The following ATP8A2 variants were observed in gnomAD, a reference collection of about 807,000 sequenced individuals.
ATP8A2 encodes phospholipid-transporting ATPase IB.
Under a neutral mutation model 165.6 loss-of-function variants are expected in ATP8A2, and 100 were observed. The ratio of observed to expected loss-of-function variants is 0.60; its 90% confidence interval spans 0.51 to 0.71. The LOEUF (loss-of-function observed/expected upper bound fraction) is 0.71. Ranked by LOEUF, ATP8A2 falls within the 30% of genes least tolerant of loss-of-function variation. The pLI, the probability that ATP8A2 is intolerant of heterozygous loss-of-function variation, is 0.00. For synonymous variants in ATP8A2, 543 were observed against 548.8 expected (o/e 0.99, Z 0.15); for missense variants, 1,227 against 1,479.5 (o/e 0.83, Z 2.80).
chr13:25,479,558 T>C (rs1432432192), intron 2 of ATP8A2, among the ~76,000 whole-genome samples: 1 of 152,042 alleles, frequency 6.6e-6, no homozygotes, highest in Non-Finnish European at 1.5e-5. Context: ...GGCAGGGTCA[T>C]AGGACAATAG....
Position 25,944,282 on chromosome 13 carries a change from G to A in ATP8A2, c.3184-17293G>A, listed in dbSNP as rs542112721. 3.3e-5 allele frequency among the ~76,000 whole-genome samples: 5 copies of A among 152,328 alleles called. No individual in the cohort carries two copies. The South Asian group carries it at 6.2e-4, about 19-fold the overall frequency. On this transcript the variant is annotated intron_variant, in intron 33 of 36. Transcript: ENST00000381655. Reference sequence around the variant, plus strand: ...AGCACTTTGGGAGGCTGAGGTGGGCGGATCACCTGAGGTCAGGAGTTTGAG... The same window carrying A: ...AGCACTTTGGGAGGCTGAGGTGGGCAGATCACCTGAGGTCAGGAGTTTGAG...
At chr13:25,450,985 T>C (rs1298940556) in intron 1 of ATP8A2, among the ~76,000 whole-genome samples, 1 of 152,268 alleles carries the variant, frequency 6.6e-6, no homozygotes, top group African/African-American at 2.4e-5. Flanking sequence ...TTTGGGTTTA[T>C]GGTTTTCAGC....
intron 1 of ATP8A2, among the ~76,000 whole-genome samples, chr13:25,443,505 T>C (rs931723818): frequency 6.6e-6 from 1 of 152,224 alleles, no homozygotes; most frequent in African/African-American, 2.4e-5. Context: ...AAGTATGTAA[T>C]GTGAGTGGAT....
At chr13:25,903,258 GCCC>G (rs1261276474) in intron 33 of ATP8A2, among the ~76,000 whole-genome samples, 73 of 152,176 alleles carry the variant, frequency 4.8e-4, no homozygotes, top group Non-Finnish European at 7.9e-4. Flanking sequence ...TACGCAAACA[GCCC>G]CCAGATATGG....
At position 26,025,258 on chromosome 13, in the gene ATP8A2, C is replaced by G. The variant is rs1453351447; in HGVS notation, c.*5273C>G. 6.6e-6 allele frequency: 1 copy of G among 152,222 alleles called. No individual in the cohort carries two copies. The highest frequency in any genetic ancestry group is 1.5e-5 in the Non-Finnish European group (1 of 68,080). The allele number at this position is 152,222 out of a possible 1,614,324, so 9.4% of individuals were successfully genotyped here. On this transcript the variant is annotated 3_prime_UTR_variant, in exon 37 of 37. Transcript: ENST00000381655. ...TCAGTACTGAAACTCCTACTCTCCC[C>G]TCCCGCCCCACTCTCCCCCGTTGCC...
intron 27 of ATP8A2, among the ~76,000 whole-genome samples, chr13:25,790,583 C>T (rs2045142985): frequency 6.6e-6 from 1 of 151,026 alleles, no homozygotes; most frequent in South Asian, 2.1e-4. Flanking sequence ...TAGTCCCAGC[C>T]ACTTGGGAGG....
At chr13:25,827,156 C>T (rs9511931) in intron 27 of ATP8A2, among the ~76,000 whole-genome samples, 76,399 of 151,942 alleles carry the variant, frequency 0.5, 20,213 homozygotes, top group South Asian at 0.61. Context: ...GTCGCCCAGG[C>T]TGGAGTGCAG....
intron 25 of ATP8A2, among the ~76,000 whole-genome samples, chr13:25,742,160 G>A (rs376807849): frequency 2.0e-5 from 3 of 152,070 alleles, no homozygotes; most frequent in East Asian, 3.8e-4. Flanking sequence ...CCTATACGAC[G>A]TTACTGTTCT....
At chr13:25,923,330 C>T (rs1954513683) in intron 33 of ATP8A2, among the ~76,000 whole-genome samples, 1 of 152,156 alleles carries the variant, frequency 6.6e-6, no homozygotes, top group Non-Finnish European at 1.5e-5. Context: ...TTATTTGCCT[C>T]CTACAAGCCA....
chr13:25,606,660 G>C (rs1003153539), intron 24 of ATP8A2, among the ~76,000 whole-genome samples: 2 of 152,142 alleles, frequency 1.3e-5, no homozygotes, highest in African/African-American at 4.8e-5. Context: ...TGTAAAAATA[G>C]TGTGAAACAA....
chr13:25,604,317 T>C (rs73487912), intron 24 of ATP8A2, among the ~76,000 whole-genome samples: 2,555 of 151,962 alleles, frequency 0.017, 61 homozygotes, highest in African/African-American at 0.058. Flanking sequence ...AGCGTGGAGG[T>C]CATGGGTGAC....
At chr13:25,585,974 A>G (rs754521096) in intron 23 of ATP8A2, among the ~76,000 whole-genome samples, 5 of 152,208 alleles carry the variant, frequency 3.3e-5, no homozygotes, top group Admixed American at 6.5e-5. Flanking sequence ...GGAAGTACCA[A>G]TTGTGCAGTG....
intron 33 of ATP8A2, among the ~76,000 whole-genome samples, chr13:25,926,008 G>A (rs183298037): frequency 3.3e-5 from 5 of 152,240 alleles, no homozygotes; most frequent in Admixed American, 3.3e-4. Flanking sequence ...TTACAGGCAT[G>A]AGCCACCGCA....
At chr13:25,472,776 A>T (rs1014346879) in intron 2 of ATP8A2, among the ~76,000 whole-genome samples, 2 of 152,148 alleles carry the variant, frequency 1.3e-5, no homozygotes, top group African/African-American at 2.4e-5. Context: ...CTCAGGGCTA[A>T]CTTACCTTGT....
intron 2 of ATP8A2, among the ~76,000 whole-genome samples, chr13:25,487,423 G>A (rs532557980): frequency 1.3e-5 from 2 of 152,280 alleles, no homozygotes; most frequent in South Asian, 2.1e-4. Flanking sequence ...TGCTGAAGGC[G>A]GTCCTCATTT....
chr13:25,516,533 G>A (rs74879046), intron 2 of ATP8A2, among the ~76,000 whole-genome samples: 9,245 of 152,170 alleles, frequency 0.061, 351 homozygotes, highest in South Asian at 0.13. Flanking sequence ...AGTTTCACAC[G>A]CTGACCTGTT....
At chr13:25,640,645 A>G (rs1382578064) in intron 24 of ATP8A2, among the ~76,000 whole-genome samples, 6 of 152,206 alleles carry the variant, frequency 3.9e-5, no homozygotes, top group African/African-American at 1.2e-4. Flanking sequence ...CCAGGAGCAG[A>G]TGGATTCACA....
chr13:25,667,797 T>G (rs1410389318), intron 24 of ATP8A2, among the ~76,000 whole-genome samples: 1 of 152,154 alleles, frequency 6.6e-6, no homozygotes, highest in Non-Finnish European at 1.5e-5. Context: ...GTGTACCCTT[T>G]TGATTCCCTT....
intron 24 of ATP8A2, among the ~76,000 whole-genome samples, chr13:25,597,409 C>T (rs916048415): frequency 4.6e-5 from 7 of 152,200 alleles, no homozygotes; most frequent in Non-Finnish European, 7.3e-5. Flanking sequence ...AAGAGTCCAT[C>T]TTAGCAGATT....
Sources: gnomAD v4.1 joint callset for allele counts (sites outside exome capture counted in the v4.1 genomes callset) on GRCh38, gnomAD v4.1.1 for gene constraint, MANE v1.5 for transcripts, NCBI Gene and HGNC (gene_info 2026-07-23, HGNC 2026-07-21) for gene names.